PDE4DIP: variants seen among roughly 807,000 people sequenced by gnomAD.
PDE4DIP encodes the protein phosphodiesterase 4D interacting protein.
A neutral mutation model predicts 221.4 loss-of-function variants in PDE4DIP; 59 were observed. That is an observed-to-expected ratio of 0.27 (90% confidence interval 0.22 to 0.33). The LOEUF (loss-of-function observed/expected upper bound fraction) is 0.33, where lower values mean the gene tolerates loss of function less well. PDE4DIP is among the 10% of genes least tolerant of loss of function. PDE4DIP has a pLI of 1.00. For missense variants in PDE4DIP, 1,036 were observed against 2,154.2 expected (o/e 0.48, Z 10.28); for synonymous variants, 404 against 815.9 (o/e 0.50, Z 8.60).
chr1:149,016,390 T>C, exon 33 of PDE4DIP: 2 of 1,210,692 alleles, frequency 1.7e-6, no homozygotes, highest in East Asian at 4.7e-5. Flanking sequence ...CTGCCCAGCC[T>C]CACTCTCCTC....
intron 19 of PDE4DIP, among the ~76,000 whole-genome samples, chr1:148,979,048 AAAAG>A (rs1553540095): frequency 6.6e-6 from 1 of 151,842 alleles, no homozygotes; most frequent in Non-Finnish European, 1.5e-5. Flanking sequence ...AAAAAAAAAA[AAAAG>A]AGAAAGAAAC....
chr1:148,953,429 G>A (rs1574168963), intron 5 of PDE4DIP: 1 of 1,614,222 alleles, frequency 6.2e-7, no homozygotes, highest in East Asian at 2.2e-5. Flanking sequence ...GTCTGAGGTT[G>A]GGCCACCCGA....
intron 14 of PDE4DIP, among the ~76,000 whole-genome samples, chr1:148,971,096 CT>C (rs1189080623): frequency 1.3e-5 from 2 of 152,144 alleles, no homozygotes; most frequent in Non-Finnish European, 2.9e-5. Flanking sequence ...TGTTCTAGAT[CT>C]TTCCCTTAGT....
chr1:149,010,033 A>T (rs1435395409), intron 30 of PDE4DIP, among the ~76,000 whole-genome samples: 1 of 152,158 alleles, frequency 6.6e-6, no homozygotes, highest in Non-Finnish European at 1.5e-5. Flanking sequence ...CACTGTGGGG[A>T]GAGTGAGAAG....
At chr1:148,951,535 C>G (rs1553488352) in intron 5 of PDE4DIP, among the ~76,000 whole-genome samples, 1 of 152,262 alleles carries the variant, frequency 6.6e-6, no homozygotes, top group Non-Finnish European at 1.5e-5. Flanking sequence ...CCAGCTCTTA[C>G]GGAAAGAAGC....
chr1:148,969,677 A>G (rs1553523047), intron 14 of PDE4DIP, among the ~76,000 whole-genome samples: 3 of 147,022 alleles, frequency 2.0e-5, no homozygotes, highest in South Asian at 2.2e-4. Context: ...TACAGGGTAT[A>G]TTAATTTCAC....
intron 20 of PDE4DIP, among the ~76,000 whole-genome samples, chr1:148,980,542 G>A (rs2060911785): frequency 6.6e-6 from 1 of 151,788 alleles, no homozygotes. Context: ...CTTGATTTTT[G>A]GTCACATATA....
At chr1:148,829,017 A>AACACAC (rs5777522) in intron 1 of PDE4DIP, among the ~76,000 whole-genome samples, 48 of 143,454 alleles carry the variant, frequency 3.3e-4, no homozygotes, top group African/African-American at 8.4e-4. Context: ...TTCCTGCATA[A>AACACAC]ACACACACAC....
At chr1:148,963,647 A>G (rs1421328595) in intron 9 of PDE4DIP, among the ~76,000 whole-genome samples, 6 of 151,818 alleles carry the variant, frequency 4.0e-5, no homozygotes, top group Admixed American at 6.6e-5. Context: ...AATGACATGC[A>G]TAATAATCAG....
intron 21 of PDE4DIP, among the ~76,000 whole-genome samples, chr1:148,987,546 A>G (rs1553551381): frequency 1.3e-5 from 2 of 152,188 alleles, no homozygotes; most frequent in Admixed American, 6.5e-5. Flanking sequence ...TACCGAAGGA[A>G]AGAACACTTG....
chr1:148,912,366 TTAGA>T (rs747213367), intron 1 of PDE4DIP, among the ~76,000 whole-genome samples: 5 of 141,078 alleles, frequency 3.5e-5, no homozygotes, highest in Non-Finnish European at 4.6e-5. Flanking sequence ...AAGTATGCAG[TTAGA>T]TAAATTTTAA....
intron 21 of PDE4DIP, among the ~76,000 whole-genome samples, chr1:148,987,655 GA>G (rs2062152857): frequency 6.6e-6 from 1 of 152,084 alleles, no homozygotes; most frequent in Non-Finnish European, 1.5e-5. Context: ...TAACTATATG[GA>G]AAAACATCAC....
chr1:148,971,707 G>T (rs2059252764), intron 14 of PDE4DIP, among the ~76,000 whole-genome samples: 1 of 152,060 alleles, frequency 6.6e-6, no homozygotes, highest in African/African-American at 2.4e-5. Flanking sequence ...TGGCCAGCAA[G>T]ATTGCTGTTT....
chr1:148,981,304 G>C, exon 21 of PDE4DIP: 1 of 1,613,890 alleles, frequency 6.2e-7, no homozygotes. Context: ...GGTGGAACTG[G>C]AAGGGGCTCA....
chr1:149,000,070 C>T (rs1698641), intron 23 of PDE4DIP, among the ~76,000 whole-genome samples: 10,659 of 151,272 alleles, frequency 0.07, 788 homozygotes, highest in East Asian at 0.45. Flanking sequence ...AACTATCTCA[C>T]AGATTGTCTG....
At chr1:148,999,604 A>G (rs587662327) in intron 23 of PDE4DIP, among the ~76,000 whole-genome samples, 9 of 152,088 alleles carry the variant, frequency 5.9e-5, no homozygotes, top group African/African-American at 2.2e-4. Flanking sequence ...GCTCTGAATT[A>G]TCATAATAAC....
chr1:148,954,360 G>C (rs1420422584), intron 5 of PDE4DIP, among the ~76,000 whole-genome samples: 4 of 152,028 alleles, frequency 2.6e-5, no homozygotes, highest in Admixed American at 6.5e-5. Flanking sequence ...GAGCATTAAA[G>C]CCTTCATCCG....
At chr1:148,976,357 G>A (rs1699781) in intron 17 of PDE4DIP, among the ~76,000 whole-genome samples, 2 of 151,834 alleles carry the variant, frequency 1.3e-5, no homozygotes, top group African/African-American at 2.4e-5. Flanking sequence ...CTGAGTTCAC[G>A]TTCTGGATTT....
chr1:148,953,167 C>T (rs781959819), intron 5 of PDE4DIP: 3 of 1,614,034 alleles, frequency 1.9e-6, no homozygotes, highest in Non-Finnish European at 2.5e-6. Context: ...CTGCACTGCT[C>T]CAGGAGGACT....
Sources: gnomAD v4.1 joint callset for allele counts (sites outside exome capture counted in the v4.1 genomes callset) on GRCh38, gnomAD v4.1.1 for gene constraint, MANE v1.5 for transcripts, NCBI Gene and HGNC (gene_info 2026-07-23, HGNC 2026-07-21) for gene names.